CHN2: variants seen among roughly 807,000 people sequenced by gnomAD.
CHN2 encodes chimerin 2.
Under a neutral mutation model 56.3 loss-of-function variants are expected in CHN2, and 35 were observed. The ratio of observed to expected loss-of-function variants is 0.62; its 90% confidence interval spans 0.47 to 0.82. CHN2 has a LOEUF of 0.82. CHN2 is among the 40% of genes least tolerant of loss of function. The probability of loss-of-function intolerance (pLI) is 0.00; values close to 1 mark genes in which losing one functional copy is unlikely to be tolerated. For missense variants in CHN2, 491 were observed against 580.5 expected (o/e 0.85, Z 1.58); for synonymous variants, 210 against 212.8 (o/e 0.99, Z 0.12).
chr7:29,404,456 C>T (rs549025854), intron 6 of CHN2, among the ~76,000 whole-genome samples: 8 of 152,106 alleles, frequency 5.3e-5, no homozygotes, highest in African/African-American at 1.7e-4. Context: ...CCAGTTTATC[C>T]GTTTCACTGT....
chr7:29,280,481 T>C (rs1584950307), intron 1 of CHN2, among the ~76,000 whole-genome samples: 1 of 152,132 alleles, frequency 6.6e-6, no homozygotes, highest in Admixed American at 6.5e-5. Context: ...TGGGGGCTTG[T>C]TGGTTTTGGG....
At chr7:29,169,404 T>C (rs1416918604) in intron 2 of CHN2, among the ~76,000 whole-genome samples, 1 of 152,238 alleles carries the variant, frequency 6.6e-6, no homozygotes, top group Non-Finnish European at 1.5e-5. Flanking sequence ...ACACACCATT[T>C]TAATTATTTT....
chr7:29,355,672 T>C (rs369073024), intron 2 of CHN2, among the ~76,000 whole-genome samples: 46 of 151,644 alleles, frequency 3.0e-4, no homozygotes, highest in African/African-American at 1.1e-3. Context: ...CTAACGAAGC[T>C]GCCAGGGTTA....
intron 2 of CHN2, among the ~76,000 whole-genome samples, chr7:29,182,469 A>C (rs912603008): frequency 2.0e-5 from 3 of 152,244 alleles, no homozygotes; most frequent in Admixed American, 2.0e-4. Context: ...AATATTCTTC[A>C]GACATTTTCA....
chr7:29,244,192 G>C (rs920351987), intron 1 of CHN2, among the ~76,000 whole-genome samples: 2 of 152,112 alleles, frequency 1.3e-5, no homozygotes, highest in African/African-American at 4.8e-5. Flanking sequence ...TGTCATTTCC[G>C]AGTCTGGGAT....
At chr7:29,231,000 G>A (rs1333715003) in intron 1 of CHN2, among the ~76,000 whole-genome samples, 4 of 152,142 alleles carry the variant, frequency 2.6e-5, no homozygotes, top group Admixed American at 2.6e-4. Context: ...GTACAGCAAG[G>A]TTTCTTGTCT....
At chr7:29,180,878 T>G (rs1450576015) in intron 2 of CHN2, among the ~76,000 whole-genome samples, 1 of 152,206 alleles carries the variant, frequency 6.6e-6, no homozygotes, top group Non-Finnish European at 1.5e-5. Flanking sequence ...ATAATAAGCA[T>G]GACTGCTTGC....
At chr7:29,504,657 C>G (rs898975041) in intron 9 of CHN2, 87 bp from the exon 10 acceptor site, 1 of 806,874 alleles carries the variant, frequency 1.2e-6, no homozygotes, top group Non-Finnish European at 2.0e-6. Flanking sequence ...TTTCTGATAG[C>G]ATGTAGTATA....
rs766207357 is a variant in CHN2 at position 29,206,316 on chromosome 7, C to CT, written c.49+11327dup. Among the ~76,000 whole-genome samples the CT allele has an allele frequency of 3.3e-4, 51 of 152,246 alleles. 1 individual carries two copies. Among genetic ancestry groups the CT allele is most frequent in the South Asian group, 1.5e-3 (7 of 4,812 alleles). ...TTTTTCCCCCAAGATGGAAAAAACT[C>CT]TATCGCCCAGGCTGGAGTGCAGTGG... On this transcript the variant is annotated intron_variant, in intron 1 of 12. Transcript: ENST00000222792.
chr7:29,173,130 CA>C (rs56379349), intron 2 of CHN2, among the ~76,000 whole-genome samples: 13,819 of 80,082 alleles, frequency 0.17, 668 homozygotes, highest in Middle Eastern at 0.22. Context: ...GACTCTGTAT[CA>C]AAAAAAAAAA....
chr7:29,232,730 C>T (rs1450542995), intron 1 of CHN2, among the ~76,000 whole-genome samples: 1 of 152,156 alleles, frequency 6.6e-6, no homozygotes, highest in Non-Finnish European at 1.5e-5. Flanking sequence ...TGTGCACTCA[C>T]ATATTTTAGA....
At chr7:29,309,085 G>A (rs1345009804) in intron 1 of CHN2, among the ~76,000 whole-genome samples, 2 of 152,200 alleles carry the variant, frequency 1.3e-5, no homozygotes, top group Admixed American at 6.5e-5. Context: ...CATAGACCTT[G>A]TCTAGAGGGT....
chr7:29,151,086 C>T (rs563454536), intron 2 of CHN2, among the ~76,000 whole-genome samples: 14 of 152,320 alleles, frequency 9.2e-5, no homozygotes, highest in Admixed American at 8.5e-4. Flanking sequence ...GACACAGACA[C>T]ATGCCCTGAT....
At chr7:29,497,238 C>A (rs1789401627) in intron 8 of CHN2, among the ~76,000 whole-genome samples, 1 of 152,218 alleles carries the variant, frequency 6.6e-6, no homozygotes, top group South Asian at 2.1e-4. Flanking sequence ...CCAGGAGCCA[C>A]AACGTATCTC....
intron 8 of CHN2, among the ~76,000 whole-genome samples, chr7:29,499,387 C>G (rs1053811163): frequency 6.6e-6 from 1 of 152,094 alleles, no homozygotes; most frequent in Non-Finnish European, 1.5e-5. Flanking sequence ...TACCAATGGT[C>G]GTGGGCTTCT....
At chr7:29,385,971 T>A (rs1342288553) in intron 3 of CHN2, among the ~76,000 whole-genome samples, 2 of 152,210 alleles carry the variant, frequency 1.3e-5, no homozygotes, top group African/African-American at 4.8e-5. Flanking sequence ...GCAAAGCAAT[T>A]GGTCACCTTT....
intron 1 of CHN2, among the ~76,000 whole-genome samples, chr7:29,346,462 T>A (rs1162236364): frequency 6.6e-6 from 1 of 152,194 alleles, no homozygotes; most frequent in South Asian, 2.1e-4. Flanking sequence ...CCAACTTCCC[T>A]GGAAGAAGCC....
chr7:29,293,436 G>A (rs951255949), intron 1 of CHN2, among the ~76,000 whole-genome samples: 16 of 141,246 alleles, frequency 1.1e-4, no homozygotes, highest in African/African-American at 4.0e-4. Context: ...AGCCACGCTT[G>A]CGAATGTTGA....
At chr7:29,162,262 T>C (rs1226506810) in intron 2 of CHN2, among the ~76,000 whole-genome samples, 1 of 152,134 alleles carries the variant, frequency 6.6e-6, no homozygotes, top group African/African-American at 2.4e-5. Flanking sequence ...ACCCAAATGC[T>C]CTTCAAAAGG....
Sources: allele counts gnomAD v4.1 joint callset (sites outside exome capture counted in the v4.1 genomes callset), GRCh38; gene constraint gnomAD v4.1.1; transcripts MANE v1.5; gene names NCBI Gene and HGNC (gene_info 2026-07-23, HGNC 2026-07-21).